Variants in PLEKHA7 observed in about 807,000 individuals in gnomAD.
PLEKHA7 encodes the protein pleckstrin homology domain-containing family A member 7.
A neutral mutation model predicts 170.0 loss-of-function variants in PLEKHA7; 104 were observed. The observed-to-expected ratio is 0.61, with a 90% CI of 0.52 to 0.72. The LOEUF (loss-of-function observed/expected upper bound fraction) is 0.72, where lower values mean the gene tolerates loss of function less well. PLEKHA7 is among the 30% of genes least tolerant of loss of function. PLEKHA7 has a pLI of 0.00. For synonymous variants in PLEKHA7, 648 were observed against 660.8 expected (o/e 0.98, Z 0.30); for missense variants, 1,615 against 1,671.7 (o/e 0.97, Z 0.59).
chr11:16,838,835 CACCACCACACTCT>C (rs1851735621), intron 9 of PLEKHA7, among the ~76,000 whole-genome samples: 1 of 151,830 alleles, frequency 6.6e-6, no homozygotes, highest in Admixed American at 6.6e-5. Context: ...TACAGGTGCC[CACCACCACACTCT>C]GCTAATTTTT....
intron 13 of PLEKHA7, among the ~76,000 whole-genome samples, chr11:16,809,145 T>C (rs1021310027): frequency 4.6e-5 from 7 of 152,152 alleles, no homozygotes; most frequent in African/African-American, 1.7e-4. Context: ...AAAGTAAACA[T>C]TTCCAAAAAA....
chr11:16,829,621 C>T (rs1850942818), intron 9 of PLEKHA7, among the ~76,000 whole-genome samples: 1 of 151,996 alleles, frequency 6.6e-6, no homozygotes, highest in Admixed American at 6.5e-5. Flanking sequence ...ACTAAAAATA[C>T]AAAAATTAGC....
chr11:16,810,671 G>A (rs1346342906), intron 13 of PLEKHA7, among the ~76,000 whole-genome samples: 2 of 152,218 alleles, frequency 1.3e-5, no homozygotes, highest in East Asian at 3.8e-4. Flanking sequence ...GCAGCTCTTA[G>A]GTAGTAAAAC....
chr11:16,800,473 C>G (rs1848521981), intron 17 of PLEKHA7, among the ~76,000 whole-genome samples: 1 of 152,178 alleles, frequency 6.6e-6, no homozygotes, highest in Admixed American at 6.5e-5. Context: ...CCAGCCTGGC[C>G]TCCAGAAATG....
chr11:16,901,067 G>A (rs563493601), intron 3 of PLEKHA7, among the ~76,000 whole-genome samples: 19 of 152,090 alleles, frequency 1.2e-4, no homozygotes, highest in Non-Finnish European at 2.4e-4. Flanking sequence ...GGCTGGTCTC[G>A]AACTCCTGAC....
intron 3 of PLEKHA7, among the ~76,000 whole-genome samples, chr11:16,878,340 T>C (rs192059373): frequency 2.0e-5 from 3 of 152,278 alleles, no homozygotes; most frequent in Admixed American, 1.3e-4. Flanking sequence ...TCTTTTAAAA[T>C]ATAAGCTAGA....
rs1853408996 is a variant in PLEKHA7 at position 16,855,923 on chromosome 11, A to G, written c.306-9T>C. On this transcript the variant is annotated splice_polypyrimidine_tract_variant and intron_variant, in intron 4 of 26. Coordinates refer to ENST00000531066, the MANE Select transcript of PLEKHA7 (RefSeq NM_001329630.2). The stretch of plus-strand genomic sequence containing the variant: ...ACATATGTGGATTCGGCCTGTGAGG[A>G]GACAGGGGATTCCAGTGAGTAAAAG... The G allele has an allele frequency of 6.2e-7, 1 of 1,603,078 alleles. No homozygotes were observed. The highest frequency in any genetic ancestry group is 8.5e-7 in the Non-Finnish European group (1 of 1,170,288).
intron 3 of PLEKHA7, among the ~76,000 whole-genome samples, chr11:16,887,764 C>T (rs1459290711): frequency 6.6e-6 from 1 of 152,230 alleles, no homozygotes; most frequent in Admixed American, 6.5e-5. Context: ...CTCCCAGCCG[C>T]CTGCCTTGGC....
chr11:16,914,091 A>ACC (rs1467483051), intron 3 of PLEKHA7, among the ~76,000 whole-genome samples: 1 of 152,216 alleles, frequency 6.6e-6, no homozygotes, highest in Non-Finnish European at 1.5e-5. Flanking sequence ...TTCTTAAGGA[A>ACC]TATGTAATGA....
intron 3 of PLEKHA7, among the ~76,000 whole-genome samples, chr11:16,884,719 T>C (rs1855952798): frequency 6.6e-6 from 1 of 152,158 alleles, no homozygotes; most frequent in African/African-American, 2.4e-5. Flanking sequence ...GTCGCAACTC[T>C]GGGCCCCAAG....
intron 3 of PLEKHA7, among the ~76,000 whole-genome samples, chr11:16,964,588 A>G (rs1290128572): frequency 1.3e-5 from 2 of 152,204 alleles, no homozygotes; most frequent in Non-Finnish European, 2.9e-5. Context: ...GCAACCAGAG[A>G]AGCAACTAGG....
chr11:16,857,287 C>G (rs1202089623), intron 4 of PLEKHA7, among the ~76,000 whole-genome samples: 1 of 152,214 alleles, frequency 6.6e-6, no homozygotes, highest in Non-Finnish European at 1.5e-5. Context: ...AGGGCTGGGC[C>G]CTGTCGGATG....
intron 13 of PLEKHA7, among the ~76,000 whole-genome samples, chr11:16,812,704 C>T (rs751613133): frequency 1.3e-5 from 2 of 152,176 alleles, no homozygotes; most frequent in Non-Finnish European, 2.9e-5. Flanking sequence ...CCATGTGGAG[C>T]CTGCTCCCCT....
Position 16,791,779 on chromosome 11 carries a change from C to G in PLEKHA7, c.2746-580G>C. The G allele has an allele frequency of 2.4e-6, 1 of 422,614 alleles. No individual in the cohort carries two copies. Among genetic ancestry groups the G allele is most frequent in the South Asian group, 1.7e-5 (1 of 57,558 alleles). 26.2% of individuals were successfully genotyped at this position (422,614 alleles called of 1,614,324 possible). On this transcript the variant is annotated intron_variant, in intron 19 of 26. Coordinates refer to ENST00000531066, the MANE Select transcript of PLEKHA7 (RefSeq NM_001329630.2). This position sits in a 1 kb window ranked among gnomAD's most constrained non-coding sequence, Gnocchi z 4.5. ...TCCTGACTCAGACAGAACAGGCGGTCAGGATGAGTGACTCACTGCCTACCA... is the reference window on the plus strand; with the variant it reads ...TCCTGACTCAGACAGAACAGGCGGTGAGGATGAGTGACTCACTGCCTACCA...
At chr11:16,861,354 T>C (rs1853928926) in intron 4 of PLEKHA7, among the ~76,000 whole-genome samples, 1 of 79,606 alleles carries the variant, frequency 1.3e-5, no homozygotes, top group African/African-American at 3.2e-5. Context: ...ACTCTGTCTC[T>C]ATTAAAATTA....
In PLEKHA7 at chr11:17,014,213, G is replaced by A. The variant is rs1333487436; in HGVS notation, c.87-12C>T. On this transcript the variant is annotated splice_polypyrimidine_tract_variant and intron_variant, in intron 1 of 26. Transcript: ENST00000531066. ...AGCGGAGCTGGTCACTGCGGGCAGAGAGGTGCACCTGTTAGCGCCGCCACA... is the reference window on the plus strand; with the variant it reads ...AGCGGAGCTGGTCACTGCGGGCAGAAAGGTGCACCTGTTAGCGCCGCCACA... 1.3e-6 allele frequency: 2 copies of A among 1,548,406 alleles called. No homozygotes were observed. Among genetic ancestry groups the A allele is most frequent in the Middle Eastern group, 2.0e-4 (1 of 4,982 alleles).
intron 4 of PLEKHA7, among the ~76,000 whole-genome samples, chr11:16,861,869 A>G (rs1339971945): frequency 6.6e-6 from 1 of 152,192 alleles, no homozygotes; most frequent in African/African-American, 2.4e-5. Flanking sequence ...AAGAGGACAC[A>G]TTCACAAACA....
intron 3 of PLEKHA7, among the ~76,000 whole-genome samples, chr11:16,875,608 C>T (rs1166777169): frequency 6.6e-6 from 1 of 151,890 alleles, no homozygotes; most frequent in Admixed American, 6.6e-5. Context: ...CCACCATGCC[C>T]GGCTAATTTT....
intron 3 of PLEKHA7, among the ~76,000 whole-genome samples, chr11:16,968,331 CA>C (rs1211646945): frequency 6.6e-6 from 1 of 152,216 alleles, no homozygotes; most frequent in African/African-American, 2.4e-5. Context: ...CGAGGCTCCA[CA>C]GTGGGCCACA....
Sources: gnomAD v4.1 joint callset for allele counts (sites outside exome capture counted in the v4.1 genomes callset) on GRCh38, gnomAD v4.1.1 for gene constraint, Gnocchi (gnomAD v3.1) non-coding constraint, MANE v1.5 for transcripts, NCBI Gene and HGNC (gene_info 2026-07-23, HGNC 2026-07-21) for gene names.